IGF2R: variants seen among roughly 807,000 people sequenced by gnomAD.
IGF2R encodes the protein insulin like growth factor 2 receptor.
A neutral mutation model predicts 270.6 loss-of-function variants in IGF2R; 91 were observed. The ratio of observed to expected loss-of-function variants is 0.34; its 90% CI spans 0.28 to 0.40. The LOEUF (loss-of-function observed/expected upper bound fraction) is 0.40. IGF2R is among the 10% of genes least tolerant of loss of function. The pLI, the probability that IGF2R is intolerant of heterozygous loss-of-function variation, is 1.00. For synonymous variants in IGF2R, 1,316 were observed against 1,258.9 expected, an observed-to-expected ratio of 1.05 and a Z score of -0.96; for missense variants, 2,805 against 3,188.3, an observed-to-expected ratio of 0.88 and a Z score of 2.90.
At chr6:159,997,269 G>C (rs921825189) in intron 2 of IGF2R, among the ~76,000 whole-genome samples, 1 of 151,878 alleles carries the variant, frequency 6.6e-6, no homozygotes, top group Non-Finnish European at 1.5e-5. Context: ...TGGGAACCCT[G>C]CAGCTCCCCT....
intron 41 of IGF2R, 123 bp downstream of exon 41, chr6:160,085,254 G>T: frequency 2.0e-6 from 2 of 1,009,364 alleles, no homozygotes. Flanking sequence ...AGATATGATT[G>T]CCTGTCACTG....
rs190801120 is a variant in IGF2R, at chr6:160,035,955, C to T, written c.1315+1433C>T. Reference sequence around the variant, plus strand: ...ACTACATTGAGGAGCATGCCAGTCCCGTGTTGGGGTGGCTTTAGGGCCTGG... The same window carrying T: ...ACTACATTGAGGAGCATGCCAGTCCTGTGTTGGGGTGGCTTTAGGGCCTGG... On this transcript the variant is annotated intron_variant, in intron 10 of 47. Coordinates refer to ENST00000356956, the MANE Select transcript of IGF2R (RefSeq NM_000876.4). 4.0e-4 allele frequency among the ~76,000 whole-genome samples: 61 copies of T among 152,232 alleles called. 1 individual carries two copies. The highest frequency in any genetic ancestry group is 1.3e-3 in the African/African-American group (54 of 41,526).
intron 1 of IGF2R, among the ~76,000 whole-genome samples, chr6:159,982,985 A>T (rs1342949351): frequency 6.6e-6 from 1 of 152,214 alleles, no homozygotes; most frequent in Non-Finnish European, 1.5e-5. Context: ...CATATATGAA[A>T]ACTCTGAGAG....
chr6:160,022,336 A>G (rs938407751), intron 4 of IGF2R, among the ~76,000 whole-genome samples: 3 of 152,218 alleles, frequency 2.0e-5, no homozygotes, highest in African/African-American at 7.2e-5. Context: ...AAAAGCACAG[A>G]CCTCACCACT....
At chr6:159,992,598 TCACACACACACACACA>T (rs71033567) in intron 2 of IGF2R, among the ~76,000 whole-genome samples, 18 of 146,264 alleles carry the variant, frequency 1.2e-4, no homozygotes, top group Non-Finnish European at 3.1e-5. Context: ...AAGAATGAAA[TCACACACACACACACA>T]CACACACACA....
chr6:160,089,784 G>A (rs1010780889), intron 43 of IGF2R, 132 bp from the exon 44 acceptor site: 22 of 559,686 alleles, frequency 3.9e-5, no homozygotes, highest in Admixed American at 2.5e-4. Flanking sequence ...CTGCCCTAGC[G>A]TGTCCGTGCT....
chr6:160,006,050 C>T, intron 2 of IGF2R: 1 of 158,930 alleles, frequency 6.3e-6, no homozygotes. Context: ...CTGCCTATCC[C>T]CTGTACCACC....
intron 46 of IGF2R, among the ~76,000 whole-genome samples, chr6:160,103,018 C>T (rs1562380606): frequency 6.6e-6 from 1 of 152,134 alleles, no homozygotes; most frequent in Non-Finnish European, 1.5e-5. Flanking sequence ...ATCATAAATG[C>T]AGGAGTTTAT....
intron 12 of IGF2R, 128 bp downstream of exon 12, chr6:160,043,416 A>G (rs777590473): frequency 5.4e-6 from 6 of 1,110,892 alleles, no homozygotes; most frequent in Non-Finnish European, 7.6e-6. Context: ...GGATGGTAAA[A>G]ATTTTTCATT....
chr6:160,068,103 T>TGA (rs1554246628), intron 29 of IGF2R, 146 bp from the exon 30 acceptor site: 58 of 637,136 alleles, frequency 9.1e-5, no homozygotes, highest in African/African-American at 7.6e-4. Flanking sequence ...TGTGTGTGTG[T>TGA]GTGTGACAGA....
At chr6:160,009,289 C>T (rs1784296314) in intron 3 of IGF2R, among the ~76,000 whole-genome samples, 155 bp downstream of exon 3, 1 of 152,088 alleles carries the variant, frequency 6.6e-6, no homozygotes. Flanking sequence ...CATCAAGAAC[C>T]AATAAGTAAA....
Position 160,009,149 on chromosome 6 carries a change from G to T in IGF2R, c.414+15G>T. ...GGAAAACCCTGGTGAGTCCACACAGGCACTTGATGTATTTCTTTAAAAAAA... is the reference window on the plus strand; with the variant it reads ...GGAAAACCCTGGTGAGTCCACACAGTCACTTGATGTATTTCTTTAAAAAAA... On this transcript the variant is annotated intron_variant, in intron 3 of 47. Transcript: ENST00000356956. 1 of 1,603,368 alleles carries T rather than the reference G, an allele frequency of 6.2e-7. No homozygotes were observed. Among genetic ancestry groups the T allele is most frequent in the South Asian group, 1.1e-5 (1 of 88,588 alleles).
Position 160,079,564 on chromosome 6 carries a change from C to T in IGF2R, c.5479-16C>T. The T allele has an allele frequency of 1.4e-6, 2 of 1,412,922 alleles. No individual in the cohort carries two copies. Among genetic ancestry groups the T allele is most frequent in the Non-Finnish European group, 1.9e-6 (2 of 1,076,788 alleles). The allele number at this position is 1,412,922 out of a possible 1,614,324, so 87.5% of individuals were successfully genotyped here. ...TGCTGCCACTCTGCTGACGGCCACGCATGGTTTTTGTCCAGGTGACTCGCG... is the reference window on the plus strand; with the variant it reads ...TGCTGCCACTCTGCTGACGGCCACGTATGGTTTTTGTCCAGGTGACTCGCG... On this transcript the variant is annotated splice_polypyrimidine_tract_variant and intron_variant, in intron 37 of 47. Transcript: ENST00000356956.
chr6:160,045,880 C>CAGGT lies in IGF2R; in HGVS notation c.1902_1903+2dup. ...AACTGCACGGTCTTTGACTCCCAGG[C>CAGGT]AGGTCTGTGTCCAAGCAGGACCTCT... is the stretch of plus-strand genomic sequence containing the variant. On this transcript the variant is annotated frameshift_variant and splice_region_variant, in exon 14 of 48. Coordinates refer to ENST00000356956, the MANE Select transcript of IGF2R (RefSeq NM_000876.4). LOFTEE classifies it high-confidence loss of function. 1 of 1,556,228 alleles carries CAGGT rather than the reference C, an allele frequency of 6.4e-7. No homozygotes were observed. Among genetic ancestry groups the CAGGT allele is most frequent in the Non-Finnish European group, 8.7e-7 (1 of 1,153,768 alleles).
rs1198724842 is a variant in IGF2R at position 160,073,105 on chromosome 6, ATAAGTGT to A, written c.4691-106_4691-100del. On this transcript the variant is annotated intron_variant, in intron 33 of 47. Coordinates refer to ENST00000356956, the MANE Select transcript of IGF2R (RefSeq NM_000876.4). The stretch of plus-strand genomic sequence containing the variant: ...AAAGCCGGATTGGACACTTGAAGTT[ATAAGTGT>A]TGGCTATGAAATTGATGGTCCTGAC... 3 of 1,452,958 alleles carry A rather than the reference ATAAGTGT, an allele frequency of 2.1e-6. No individual in the cohort carries two copies. The African/African-American group carries it at 4.2e-5, about 20-fold the overall frequency. 90.0% of individuals were successfully genotyped at this position (1,452,958 alleles called of 1,614,324 possible).
At chr6:160,066,572 T>C (rs1187840348) in intron 29 of IGF2R, among the ~76,000 whole-genome samples, 1 of 152,196 alleles carries the variant, frequency 6.6e-6, no homozygotes, top group African/African-American at 2.4e-5. Flanking sequence ...AAAATATTAA[T>C]AGATGAAATT....
At chr6:160,066,218 T>C (rs1778582147) in intron 29 of IGF2R, among the ~76,000 whole-genome samples, 1 of 152,114 alleles carries the variant, frequency 6.6e-6, no homozygotes, top group Non-Finnish European at 1.5e-5. Context: ...GGTTCCACTA[T>C]GTTGGCCAGG....
At position 160,041,794 on chromosome 6, in the gene IGF2R, C is replaced by T. The variant is rs367639181; in HGVS notation, c.1480+1070C>T. ...TAAACACCCTGTGTGCTGCTGGGAA[C>T]GGTGCCATAGTTAATTCTGGCACAT... On this transcript the variant is annotated intron_variant, in intron 11 of 47. Transcript: ENST00000356956. 3.2e-4 allele frequency among the ~76,000 whole-genome samples: 49 copies of T among 152,250 alleles called. 2 individuals carry two copies. The highest frequency in any genetic ancestry group is 1.0e-3 in the African/African-American group (43 of 41,530).
intron 1 of IGF2R, among the ~76,000 whole-genome samples, chr6:159,976,577 A>G (rs1398860312): frequency 6.6e-6 from 1 of 152,102 alleles, no homozygotes; most frequent in Non-Finnish European, 1.5e-5. Context: ...CATTTTGCAT[A>G]ATTAAGAAAT....
Sources: gnomAD v4.1 joint callset for allele counts (sites outside exome capture counted in the v4.1 genomes callset) on GRCh38, gnomAD v4.1.1 for gene constraint, MANE v1.5 for transcripts, NCBI Gene and HGNC (gene_info 2026-07-23, HGNC 2026-07-21) for gene names.